Variants in TMEM61 observed in about 807,000 individuals in gnomAD.
The protein encoded by TMEM61 is transmembrane protein 61.
TMEM61 carries 13 observed loss-of-function variants against 12.0 expected under a neutral mutation model. The ratio of observed to expected loss-of-function variants is 1.08; its 90% CI spans 0.70 to 1.72. The LOEUF (loss-of-function observed/expected upper bound fraction) is 1.72, where lower values mean the gene tolerates loss of function less well. Among genes scored for constraint, TMEM61 ranks in the 40% most tolerant of loss-of-function variants. The pLI is 0.00. For synonymous variants in TMEM61, 109 were observed against 121.4 expected (o/e 0.90, Z 0.67); for missense variants, 249 against 276.9 (o/e 0.90, Z 0.71).
Position 54,992,248 on chromosome 1 carries a change from C to T in TMEM61, c.*145C>T. 2 of 996,492 alleles carry T rather than the reference C, an allele frequency of 2.0e-6. No individual in the cohort carries two copies. Among genetic ancestry groups the T allele is most frequent in the Non-Finnish European group, 2.9e-6 (2 of 687,628 alleles). 61.7% of individuals were successfully genotyped at this position (996,492 alleles called of 1,614,324 possible). On this transcript the variant is annotated 3_prime_UTR_variant, in exon 3 of 3. Transcript: ENST00000371268. ...TATCTATTGCTGTATAACAAACCAC[C>T]CCAGAATTTAGTGGCTTAAAATAAA...
Position 54,992,052 on chromosome 1 carries a change from T to G in TMEM61, c.582T>G (p.Ser194Arg). 1 of 1,611,736 alleles carries G rather than the reference T, an allele frequency of 6.2e-7. No individual in the cohort carries two copies. Among genetic ancestry groups the G allele is most frequent in the East Asian group, 2.2e-5 (1 of 44,794 alleles). The change falls in exon 3 of 3, where the codon AGT becomes AGG. Residue 194 changes from serine to arginine, a missense_variant. Transcript: ENST00000371268. ...CCGTTTCTGCGGAGACGACACCGAGTGCCACACGCTCCTGCTCAGGCCTGG... is the reference window on the plus strand; with the variant it reads ...CCGTTTCTGCGGAGACGACACCGAGGGCCACACGCTCCTGCTCAGGCCTGG... ...LDAVSAETTP[S>R]ATRSCSGLVQ...
In TMEM61 at chr1:54,986,150, C is replaced by A; in HGVS notation, c.69C>A (p.Ser23Arg). Residue 23 changes from serine (S) to arginine (R), a missense_variant, in exon 2 of 3, where the codon AGC becomes AGA. Coordinates refer to ENST00000371268, the MANE Select transcript of TMEM61 (RefSeq NM_182532.3). ...CCCTCCGCTATTGCATGACAGTCAG[C>A]GGCACAGTGGTTCTGGTGGCCGGGA... ...ASTLRYCMTV[S>R]GTVVLVAGTL... 6.2e-7 allele frequency: 1 copy of A among 1,610,620 alleles called. No homozygotes were observed. The highest frequency in any genetic ancestry group is 1.3e-5 in the African/African-American group (1 of 75,046).
intron 2 of TMEM61, 32 bp from the exon 3 acceptor site, chr1:54,991,804 C>T: frequency 6.2e-7 from 1 of 1,606,482 alleles, no homozygotes; most frequent in South Asian, 1.1e-5. Context: ...CTGCCCCAGC[C>T]CCTGCTAACA....
At position 54,980,934 on chromosome 1, in the gene TMEM61, A is replaced by G; in HGVS notation, c.-132A>G. ...GCAGCGGCCAGGCCCCTCCGCCCCTAACACCCGCGCCTCCTGCAGACCCGA... is the reference window on the plus strand; with the variant it reads ...GCAGCGGCCAGGCCCCTCCGCCCCTGACACCCGCGCCTCCTGCAGACCCGA... On this transcript the variant is annotated 5_prime_UTR_variant, in exon 1 of 3. Coordinates refer to ENST00000371268, the MANE Select transcript of TMEM61 (RefSeq NM_182532.3). The G allele has an allele frequency of 1.0e-6, 1 of 996,442 alleles. No homozygotes were observed. The highest frequency in any genetic ancestry group is 1.4e-6 in the Non-Finnish European group (1 of 715,102). 61.7% of individuals were successfully genotyped at this position (996,442 alleles called of 1,614,324 possible). A position where few individuals can be genotyped will look rare whatever the true frequency, so the allele number is the denominator to read the frequency against.
intron 2 of TMEM61, among the ~76,000 whole-genome samples, chr1:54,987,380 T>C (rs1644267927): frequency 6.6e-6 from 1 of 152,106 alleles, no homozygotes; most frequent in Admixed American, 6.5e-5. Flanking sequence ...AACCTTTTAT[T>C]TTCATTATGG....
intron 2 of TMEM61, among the ~76,000 whole-genome samples, chr1:54,990,314 A>G (rs1317544213): frequency 6.6e-6 from 1 of 152,154 alleles, no homozygotes; most frequent in African/African-American, 2.4e-5. Context: ...GTTCAAATCC[A>G]GGATCCCATC....
intron 2 of TMEM61, among the ~76,000 whole-genome samples, chr1:54,988,744 C>T (rs566420634): frequency 1.3e-5 from 2 of 152,336 alleles, no homozygotes; most frequent in African/African-American, 2.4e-5. Context: ...ATTGAGCACA[C>T]GTAGGTATGC....
intron 1 of TMEM61, among the ~76,000 whole-genome samples, chr1:54,981,597 A>G (rs1549564): frequency 0.67 from 102,290 of 152,124 alleles, 36,341 homozygotes; most frequent in Non-Finnish European, 0.8. Flanking sequence ...CAGCCTGGGC[A>G]ACAGAGCAAG....
intron 1 of TMEM61, among the ~76,000 whole-genome samples, chr1:54,982,981 G>T (rs1441337954): frequency 6.6e-6 from 1 of 151,938 alleles, no homozygotes; most frequent in East Asian, 1.9e-4. Flanking sequence ...CCTGATAAAT[G>T]CACAGCACAC....
rs1644211669 is a variant in TMEM61 at position 54,980,678 on chromosome 1, G to C, written c.-388G>C. On this transcript the variant is annotated 5_prime_UTR_variant, in exon 1 of 3. Coordinates refer to ENST00000371268, the MANE Select transcript of TMEM61 (RefSeq NM_182532.3). Reference sequence around the variant, plus strand: ...AGGACGCGGAGGAGAGGTGGGGCGGGCGTCACCACCGGAGTGGAGGGCGAG... The same window carrying C: ...AGGACGCGGAGGAGAGGTGGGGCGGCCGTCACCACCGGAGTGGAGGGCGAG... The C allele has an allele frequency of 5.2e-6, 1 of 191,930 alleles. No individual in the cohort carries two copies. Among genetic ancestry groups the C allele is most frequent in the Non-Finnish European group, 1.1e-5 (1 of 94,040 alleles). 11.9% of individuals were successfully genotyped at this position (191,930 alleles called of 1,614,324 possible).
At chr1:54,987,446 C>T (rs1251793730) in intron 2 of TMEM61, among the ~76,000 whole-genome samples, 2 of 152,056 alleles carry the variant, frequency 1.3e-5, no homozygotes, top group Non-Finnish European at 2.9e-5. Flanking sequence ...TCCAAATCCT[C>T]TTCCATGAAA....
Position 54,986,410 on chromosome 1 carries a change from A to G in TMEM61, c.329A>G (p.Tyr110Cys). The change falls in exon 2 of 3, where the codon TAC becomes TGC. Residue 110 changes from tyrosine to cysteine, a missense_variant. By Grantham distance (194) the Tyr-to-Cys change is radical (BLOSUM62 -2). Coordinates refer to ENST00000371268, the MANE Select transcript of TMEM61 (RefSeq NM_182532.3). ...TATCACCTCTCCAGAGACCTGTACT[A>G]CCTCACTGTGGAGTCCTCAGAGAAG... is the stretch of plus-strand genomic sequence containing the variant. Reference protein sequence around the residue: ...DPYHLSRDLYYLTVESSEKES... With the variant: ...DPYHLSRDLYCLTVESSEKES... The G allele has an allele frequency of 6.3e-7, 1 of 1,595,852 alleles. No homozygotes were observed. Among genetic ancestry groups the G allele is most frequent in the Non-Finnish European group, 8.6e-7 (1 of 1,167,616 alleles).
At chr1:54,985,696 T>C (rs1644252725) in intron 1 of TMEM61, among the ~76,000 whole-genome samples, 1 of 152,184 alleles carries the variant, frequency 6.6e-6, no homozygotes, top group Admixed American at 6.5e-5. Flanking sequence ...AGTCAGGCAG[T>C]GCATAACCAG....
Position 54,986,198 on chromosome 1 carries a change from C to T in TMEM61, c.117C>T (p.Ser39=), listed in dbSNP as rs201343395. 58 of 1,613,824 alleles carry T rather than the reference C, an allele frequency of 3.6e-5. No individual in the cohort carries two copies. Among genetic ancestry groups the T allele is most frequent in the African/African-American group, 4.0e-5 (3 of 75,060 alleles). ...GGACGCTCTGCTTCGCTTGGTGGAGCGAAGGGGATGCAACCGCCCAGCCTG... is the reference window on the plus strand; with the variant it reads ...GGACGCTCTGCTTCGCTTGGTGGAGTGAAGGGGATGCAACCGCCCAGCCTG... ...VAGTLCFAWW[S]EGDATAQPGQ... is the part of the protein sequence containing the mutation. The change falls in exon 2 of 3, where the codon AGC becomes AGT. Residue 39 remains serine (S), a synonymous_variant. Coordinates refer to ENST00000371268, the MANE Select transcript of TMEM61 (RefSeq NM_182532.3).
At chr1:54,987,465 C>A (rs999936820) in intron 2 of TMEM61, among the ~76,000 whole-genome samples, 5 of 152,084 alleles carry the variant, frequency 3.3e-5, no homozygotes, top group African/African-American at 1.2e-4. Context: ...AATTGTAACA[C>A]CCCAGATACA....
chr1:54,984,103 C>G (rs1430102225), intron 1 of TMEM61, among the ~76,000 whole-genome samples: 1 of 152,184 alleles, frequency 6.6e-6, no homozygotes, highest in African/African-American at 2.4e-5. Flanking sequence ...GTAACATGCC[C>G]TTTTGAAATC....
At chr1:54,991,813 C>T (rs1361660695) in intron 2 of TMEM61, 23 bp from the exon 3 acceptor site, 6 of 1,609,652 alleles carry the variant, frequency 3.7e-6, no homozygotes, top group Middle Eastern at 3.3e-4. Flanking sequence ...CCCCTGCTAA[C>T]AGCCTCTCTT....
In TMEM61 at chr1:54,980,926, C is replaced by A; in HGVS notation, c.-140C>A. 1 of 898,586 alleles carries A rather than the reference C, an allele frequency of 1.1e-6. No individual in the cohort carries two copies. The highest frequency in any genetic ancestry group is 1.6e-6 in the Non-Finnish European group (1 of 628,548). 55.7% of individuals were successfully genotyped at this position (898,586 alleles called of 1,614,324 possible). A position where few individuals can be genotyped will look rare whatever the true frequency, so the allele number is the denominator to read the frequency against. Reference sequence around the variant, plus strand: ...GCTCGGGGGCAGCGGCCAGGCCCCTCCGCCCCTAACACCCGCGCCTCCTGC... The same window carrying A: ...GCTCGGGGGCAGCGGCCAGGCCCCTACGCCCCTAACACCCGCGCCTCCTGC... On this transcript the variant is annotated 5_prime_UTR_variant, in exon 1 of 3. Coordinates refer to ENST00000371268, the MANE Select transcript of TMEM61 (RefSeq NM_182532.3).
chr1:54,989,351 A>T (rs1644280588), intron 2 of TMEM61, among the ~76,000 whole-genome samples: 2 of 152,226 alleles, frequency 1.3e-5, no homozygotes, highest in Non-Finnish European at 2.9e-5. Flanking sequence ...AAAGGAGATT[A>T]GAGAACTTAA....
Sources: allele counts gnomAD v4.1 joint callset (sites outside exome capture counted in the v4.1 genomes callset), GRCh38; gene constraint gnomAD v4.1.1; transcripts MANE v1.5; gene names NCBI Gene and HGNC (gene_info 2026-07-23, HGNC 2026-07-21).